Variants in SMG6 observed in about 807,000 individuals in gnomAD.
SMG6 encodes telomerase-binding protein EST1A.
SMG6 carries 66 observed loss-of-function variants against 142.2 expected under a neutral mutation model. The ratio of observed to expected loss-of-function variants is 0.46; its 90% confidence interval spans 0.38 to 0.57. The LOEUF (loss-of-function observed/expected upper bound fraction) is 0.57. SMG6 is among the 20% of genes least tolerant of loss of function. The pLI, the probability that SMG6 is intolerant of heterozygous loss-of-function variation, is 0.00. For synonymous variants in SMG6, 779 were observed against 702.4 expected (o/e 1.11, Z -1.72); for missense variants, 1,793 against 1,832.0 (o/e 0.98, Z 0.39).
At chr17:2,238,297 A>G (rs2073716771) in intron 9 of SMG6, among the ~76,000 whole-genome samples, 1 of 151,830 alleles carries the variant, frequency 6.6e-6, no homozygotes, top group Non-Finnish European at 1.5e-5. Flanking sequence ...GATGCCATGC[A>G]TTTGCTTTTT....
At chr17:2,301,757 G>A (rs905953256) in intron 1 of SMG6, among the ~76,000 whole-genome samples, 2 of 152,194 alleles carry the variant, frequency 1.3e-5, no homozygotes, top group African/African-American at 4.8e-5. Flanking sequence ...CAGGAGAATA[G>A]CGTGAACCCA....
intron 13 of SMG6, among the ~76,000 whole-genome samples, chr17:2,119,224 A>AT (rs1436961517): frequency 1.3e-5 from 2 of 151,692 alleles, no homozygotes; most frequent in African/African-American, 4.8e-5. Context: ...CGCCCGGCTA[A>AT]TTTTTTGTAT....
At chr17:2,257,497 C>T (rs2074210872) in intron 8 of SMG6, among the ~76,000 whole-genome samples, 1 of 152,128 alleles carries the variant, frequency 6.6e-6, no homozygotes, top group East Asian at 1.9e-4. Context: ...GGATTCTGAT[C>T]CTGAGTAGTA....
chr17:2,214,662 G>C (rs532369920), intron 10 of SMG6, among the ~76,000 whole-genome samples: 5 of 152,300 alleles, frequency 3.3e-5, no homozygotes, highest in South Asian at 2.1e-4. Context: ...CAAAAAGTAA[G>C]GGCAAAATGT....
At chr17:2,285,584 A>AT (rs2074886489) in intron 6 of SMG6, among the ~76,000 whole-genome samples, 1 of 152,350 alleles carries the variant, frequency 6.6e-6, no homozygotes, top group East Asian at 1.9e-4. Context: ...CAGGCTTATA[A>AT]TCCCAGCACT....
intron 16 of SMG6, among the ~76,000 whole-genome samples, chr17:2,067,921 C>T (rs2067995839): frequency 6.6e-6 from 1 of 152,146 alleles, no homozygotes; most frequent in Admixed American, 6.5e-5. Flanking sequence ...GGTGGCTTTT[C>T]CAGAAGACAA....
At chr17:2,297,720 G>A in intron 3 of SMG6, 143 bp downstream of exon 3, 2 of 819,242 alleles carry the variant, frequency 2.4e-6, no homozygotes, top group Non-Finnish European at 1.9e-6. Context: ...AGCAACTGGT[G>A]TAGGGAAGGC....
chr17:2,220,185 T>C (rs1047214560), intron 10 of SMG6, among the ~76,000 whole-genome samples: 2 of 152,156 alleles, frequency 1.3e-5, no homozygotes, highest in African/African-American at 4.8e-5. Flanking sequence ...ATTACAGGCA[T>C]GAGCCACCAC....
At chr17:2,216,555 T>A (rs933235385) in intron 10 of SMG6, among the ~76,000 whole-genome samples, 3 of 152,222 alleles carry the variant, frequency 2.0e-5, no homozygotes, top group Admixed American at 2.0e-4. Context: ...TTTTTTTAAA[T>A]CAACAATCTG....
rs1286011100 is a variant in SMG6 at position 2,071,250 on chromosome 17, G to A, written c.3682-2319C>T. Among the ~76,000 whole-genome samples, 1 of 152,158 alleles carries A rather than the reference G, an allele frequency of 6.6e-6. No individual in the cohort carries two copies. The highest frequency in any genetic ancestry group is 1.5e-5 in the Non-Finnish European group (1 of 68,028). On this transcript the variant is annotated intron_variant, in intron 15 of 18. Transcript: ENST00000263073. This position sits in a 1 kb window ranked among gnomAD's most constrained non-coding sequence, Gnocchi z 5.6. ...TCCAGCCTGGTCTGACTCTATCAAG[G>A]AAGTGGCTGCCATTTTTTTTTTTAC...
chr17:2,216,201 G>T (rs1212327019), intron 10 of SMG6, among the ~76,000 whole-genome samples: 9 of 152,164 alleles, frequency 5.9e-5, no homozygotes, highest in African/African-American at 2.2e-4. Context: ...TACCACGATG[G>T]TAAAGCAGCT....
chr17:2,282,794 T>C lies in SMG6; in HGVS notation c.2514A>G (p.Gly838=), dbSNP rs2074818442. The C allele has an allele frequency of 6.2e-7, 1 of 1,614,108 alleles. No homozygotes were observed. Among genetic ancestry groups the C allele is most frequent in the African/African-American group, 1.3e-5 (1 of 74,930 alleles). ...FDLSPDQWRK[G]KKSTFRHVGD... is the part of the protein sequence containing the mutation. The stretch of plus-strand genomic sequence containing the variant: ...CAACATGCCGGAAAGTAGACTTCTT[T>C]CCTTTCCGCCACTGGTCAGGGCTCA... Residue 838 remains glycine (G), a synonymous_variant, in exon 8 of 19, where the codon GGA becomes GGG. Coordinates refer to ENST00000263073, the MANE Select transcript of SMG6 (RefSeq NM_017575.5).
At chr17:2,193,614 A>C (rs2072231718) in intron 10 of SMG6, among the ~76,000 whole-genome samples, 2 of 152,204 alleles carry the variant, frequency 1.3e-5, no homozygotes, top group Admixed American at 1.3e-4. Context: ...AAAACACTTG[A>C]GTGCCCAATT....
intron 13 of SMG6, chr17:2,087,797 C>G: frequency 1.0e-6 from 1 of 985,856 alleles, no homozygotes; most frequent in Non-Finnish European, 1.2e-6. Context: ...GGCCTCCCTG[C>G]ATCTCCAGCC....
At chr17:2,184,737 G>A (rs1205491450) in intron 12 of SMG6, among the ~76,000 whole-genome samples, 1 of 150,884 alleles carries the variant, frequency 6.6e-6, no homozygotes, top group East Asian at 1.9e-4. Context: ...GGCTGAGGCG[G>A]GTGGATTGCC....
intron 10 of SMG6, among the ~76,000 whole-genome samples, chr17:2,223,302 C>G (rs538090926): frequency 2.6e-5 from 4 of 152,356 alleles, no homozygotes; most frequent in African/African-American, 9.6e-5. Flanking sequence ...ACTGCTACAT[C>G]TGCTGTTGGC....
chr17:2,210,759 T>TAA (rs200480464), intron 10 of SMG6, among the ~76,000 whole-genome samples: 223 of 123,086 alleles, frequency 1.8e-3, no homozygotes, highest in African/African-American at 4.0e-3. Context: ...GCAAAAGCTT[T>TAA]AAAAAAAAAT....
chr17:2,076,959 G>A (rs750974300), intron 15 of SMG6, among the ~76,000 whole-genome samples: 3 of 152,210 alleles, frequency 2.0e-5, no homozygotes, highest in Non-Finnish European at 2.9e-5. Context: ...GAAGTCAAGC[G>A]TTGGAGGAGA....
chr17:2,221,375 T>C (rs2073165225), intron 10 of SMG6, among the ~76,000 whole-genome samples: 1 of 152,218 alleles, frequency 6.6e-6, no homozygotes, highest in Non-Finnish European at 1.5e-5. Context: ...GCTCCAGCCA[T>C]GGAAGACGTG....
Sources: gnomAD v4.1 joint callset for allele counts (sites outside exome capture counted in the v4.1 genomes callset) on GRCh38, gnomAD v4.1.1 for gene constraint, Gnocchi (gnomAD v3.1) non-coding constraint, MANE v1.5 for transcripts, NCBI Gene and HGNC (gene_info 2026-07-23, HGNC 2026-07-21) for gene names.